The following P4HA1 variants were observed in gnomAD, a reference collection of about 807,000 sequenced individuals.
P4HA1 encodes the protein prolyl 4-hydroxylase subunit alpha 1.
In P4HA1, 24 loss-of-function variants were observed where a neutral mutation model predicts 72.8. The ratio of observed to expected loss-of-function variants is 0.33; its 90% confidence interval spans 0.24 to 0.46. The LOEUF (loss-of-function observed/expected upper bound fraction) is 0.46, where lower values mean the gene tolerates loss of function less well. P4HA1 is among the 20% of genes least tolerant of loss of function. The pLI, the probability that P4HA1 is intolerant of heterozygous loss-of-function variation, is 1.00. For missense variants in P4HA1, 446 were observed against 640.6 expected (o/e 0.70, Z 3.28); for synonymous variants, 201 against 218.8 (o/e 0.92, Z 0.72).
intron 1 of P4HA1, among the ~76,000 whole-genome samples, chr10:73,090,207 T>C (rs561970033): frequency 1.3e-5 from 2 of 151,490 alleles, no homozygotes; most frequent in South Asian, 2.1e-4. Context: ...TCACAGTTCA[T>C]TGAAGACTCA....
intron 10 of P4HA1, among the ~76,000 whole-genome samples, chr10:73,025,214 C>G (rs367774738): frequency 2.5e-3 from 375 of 152,140 alleles, no homozygotes; most frequent in African/African-American, 8.6e-3. Context: ...CGCTGATGAA[C>G]ATCGACGCAA....
In P4HA1 at chr10:73,027,884, G is replaced by A. The variant is rs111765375; in HGVS notation, c.1248+2387C>T. On this transcript the variant is annotated intron_variant, in intron 10 of 14. Coordinates refer to ENST00000394890, the MANE Select transcript of P4HA1 (RefSeq NM_001017962.3). ...AGGGAGGGAGAGAGGGAGGGAGGGAGGGACAGAGGGAGGGAGGGAAGAATC... is the reference window on the plus strand; with the variant it reads ...AGGGAGGGAGAGAGGGAGGGAGGGAAGGACAGAGGGAGGGAGGGAAGAATC... Among the ~76,000 whole-genome samples, 1,420 of 143,546 alleles carry A rather than the reference G, an allele frequency of 9.9e-3. 27 individuals carry two copies. Among genetic ancestry groups the A allele is most frequent in the African/African-American group, 0.031 (1,225 of 39,194 alleles). The allele number at this position is 143,546 out of a possible 152,430, so 94.2% of individuals were successfully genotyped here. A position where few individuals can be genotyped will look rare whatever the true frequency, so the allele number is the denominator to read the frequency against.
chr10:73,076,963 C>A (rs2133142484), intron 1 of P4HA1, among the ~76,000 whole-genome samples: 1 of 152,316 alleles, frequency 6.6e-6, no homozygotes, highest in African/African-American at 2.4e-5. Context: ...AAACAGATCA[C>A]CACAAAAACT....
intron 7 of P4HA1, among the ~76,000 whole-genome samples, chr10:73,047,649 G>A (rs1463374647): frequency 1.3e-5 from 2 of 151,444 alleles, no homozygotes; most frequent in Non-Finnish European, 2.9e-5. Flanking sequence ...GATCCCAGAT[G>A]CTTTTATTAG....
intron 9 of P4HA1, among the ~76,000 whole-genome samples, chr10:73,038,993 A>G (rs184301509): frequency 3.7e-4 from 57 of 152,344 alleles, no homozygotes; most frequent in Middle Eastern, 6.8e-3. Context: ...TGTCAGTAAC[A>G]TAAGTAAAGC....
At chr10:73,013,210 A>ATTCGTCTGCAG (rs1839945951) in intron 12 of P4HA1, among the ~76,000 whole-genome samples, 2 of 152,202 alleles carry the variant, frequency 1.3e-5, no homozygotes, top group African/African-American at 4.8e-5. Context: ...TGACGCTGAC[A>ATTCGTCTGCAG]TTCGTCTGCA....
chr10:73,087,239 C>T (rs1419673410), intron 1 of P4HA1, among the ~76,000 whole-genome samples: 1 of 151,342 alleles, frequency 6.6e-6, no homozygotes, highest in Admixed American at 6.6e-5. Context: ...TTTGCAATTC[C>T]ATAATTACTA....
chr10:73,019,084 A>T (rs186117581), intron 10 of P4HA1, among the ~76,000 whole-genome samples: 1 of 152,208 alleles, frequency 6.6e-6, no homozygotes, highest in Admixed American at 6.5e-5. Context: ...TTGTGGGGAA[A>T]ACAAGAATGG....
Position 73,016,915 on chromosome 10 carries a change from A to G in P4HA1, c.1249-16T>C, listed in dbSNP as rs540052828. 57 of 1,601,388 alleles carry G rather than the reference A, an allele frequency of 3.6e-5. No homozygotes were observed. In the South Asian group the frequency reaches 5.4e-4, roughly 15 times the overall value. ...AATTTGCTACCTGAAGGAAAGACAC[A>G]AAGCATGAAAGAAAAGAACTATAAA... is the stretch of plus-strand genomic sequence containing the variant. On this transcript the variant is annotated splice_polypyrimidine_tract_variant and intron_variant, in intron 10 of 14. Transcript: ENST00000394890.
In P4HA1 at chr10:73,009,860, C is replaced by G. The variant is rs761299532; in HGVS notation, c.1481G>C (p.Gly494Ala). 7 of 1,611,616 alleles carry G rather than the reference C, an allele frequency of 4.3e-6. No individual in the cohort carries two copies. Among genetic ancestry groups the G allele is most frequent in the Admixed American group, 1.7e-5 (1 of 60,020 alleles). ...FWYNLFASGE[G>A]DYSTRHAACP... ...GGCTGCATGCCGTGTACTATAATCT[C>G]CTTCTCCACTGGCAAACAGATTATA... The change falls in exon 14 of 15, where the codon GGA (glycine) becomes GCA (alanine). Residue 494 changes from glycine to alanine, a missense_variant. Physicochemically the swap from Gly to Ala is moderately conservative, Grantham distance 60. Transcript: ENST00000394890.
chr10:73,055,141 G>A (rs1472362365), intron 5 of P4HA1, among the ~76,000 whole-genome samples: 1 of 152,170 alleles, frequency 6.6e-6, no homozygotes, highest in Admixed American at 6.5e-5. Flanking sequence ...GCTAAGGCAA[G>A]AAGAATGCTT....
chr10:73,039,827 T>A (rs912297942), intron 9 of P4HA1, among the ~76,000 whole-genome samples: 1 of 151,744 alleles, frequency 6.6e-6, no homozygotes, highest in African/African-American at 2.4e-5. Context: ...GAACACGAAT[T>A]TTCTTCCATT....
chr10:73,084,593 T>A (rs1409892066), intron 1 of P4HA1, among the ~76,000 whole-genome samples: 1 of 152,158 alleles, frequency 6.6e-6, no homozygotes, highest in Non-Finnish European at 1.5e-5. Flanking sequence ...GGATTACAGA[T>A]GTGAGCCACC....
intron 1 of P4HA1, among the ~76,000 whole-genome samples, chr10:73,093,842 CAAAAAAAAAAAAAAA>C (rs1157986784): frequency 2.3e-3 from 32 of 14,004 alleles, no homozygotes; most frequent in African/African-American, 0.011. Context: ...AACTCCATCT[CAAAAAAAAAAAAAAA>C]AAAAAAAAAA....
Position 73,017,187 on chromosome 10 carries a change from A to G in P4HA1, c.1249-288T>C, listed in dbSNP as rs946226516. On this transcript the variant is annotated intron_variant, in intron 10 of 14. Coordinates refer to ENST00000394890, the MANE Select transcript of P4HA1 (RefSeq NM_001017962.3). ...TCTACAGATGTATATATAGATATCTATATCTACAGATGTATATATAGATAT... is the reference window on the plus strand; with the variant it reads ...TCTACAGATGTATATATAGATATCTGTATCTACAGATGTATATATAGATAT... Among the ~76,000 whole-genome samples, 12 of 138,594 alleles carry G rather than the reference A, an allele frequency of 8.7e-5. 1 individual carries two copies. The highest frequency in any genetic ancestry group is 1.6e-4 in the African/African-American group (5 of 31,100). The allele number at this position is 138,594 out of a possible 152,430, so 90.9% of individuals were successfully genotyped here.
chr10:73,073,314 C>T (rs906333796), intron 3 of P4HA1, among the ~76,000 whole-genome samples: 10 of 150,484 alleles, frequency 6.6e-5, no homozygotes, highest in Non-Finnish European at 5.9e-5. Flanking sequence ...CTCCACCTCC[C>T]GGGTTCAAGT....
At chr10:73,065,717 T>C (rs1402361638) in intron 5 of P4HA1, among the ~76,000 whole-genome samples, 1 of 152,184 alleles carries the variant, frequency 6.6e-6, no homozygotes, top group African/African-American at 2.4e-5. Flanking sequence ...AAATACCCTA[T>C]GATTTCTTAT....
At chr10:73,075,798 T>C (rs911808584) in intron 1 of P4HA1, among the ~76,000 whole-genome samples, 12 of 151,922 alleles carry the variant, frequency 7.9e-5, no homozygotes, top group African/African-American at 2.9e-4. Context: ...TCAAAACTCC[T>C]GACCTCAGGT....
intron 4 of P4HA1, among the ~76,000 whole-genome samples, chr10:73,069,744 T>A (rs1397907733): frequency 2.0e-5 from 3 of 152,134 alleles, no homozygotes; most frequent in African/African-American, 7.2e-5. Flanking sequence ...ATCAGTATCA[T>A]TACTTGTGAA....
Sources: gnomAD v4.1 joint callset for allele counts (sites outside exome capture counted in the v4.1 genomes callset) on GRCh38, gnomAD v4.1.1 for gene constraint, MANE v1.5 for transcripts, NCBI Gene and HGNC (gene_info 2026-07-23, HGNC 2026-07-21) for gene names.